Variants in EVI5 observed in about 807,000 individuals in gnomAD.
EVI5 encodes ecotropic viral integration site 5 protein homolog.
Under a neutral mutation model 112.0 loss-of-function variants are expected in EVI5, and 73 were observed. That is an observed-to-expected ratio of 0.65 (90% CI 0.54 to 0.79). The LOEUF (loss-of-function observed/expected upper bound fraction) is 0.79. EVI5 is among the 30% of genes least tolerant of loss of function. The probability of loss-of-function intolerance (pLI) is 0.00; values close to 1 mark genes in which losing one functional copy is unlikely to be tolerated. For synonymous variants in EVI5, 305 were observed against 319.9 expected (o/e 0.95, Z 0.50); for missense variants, 900 against 968.8 (o/e 0.93, Z 0.94).
chr1:92,586,002 T>C (rs1396454643), intron 18 of EVI5, among the ~76,000 whole-genome samples: 1 of 152,086 alleles, frequency 6.6e-6, no homozygotes, highest in Non-Finnish European at 1.5e-5. Flanking sequence ...TATTCAGGTA[T>C]TTTGTAAGAT....
At chr1:92,530,010 A>C (rs757548942) in intron 19 of EVI5, among the ~76,000 whole-genome samples, 1 of 152,170 alleles carries the variant, frequency 6.6e-6, no homozygotes, top group Non-Finnish European at 1.5e-5. Context: ...AAATATTTAA[A>C]ATAAGCACTG....
rs1397513975 is a variant in EVI5 at position 92,735,654 on chromosome 1, TTATA to T, written c.149+740_149+743del. On this transcript the variant is annotated intron_variant, in intron 2 of 19. Coordinates refer to ENST00000684568, the MANE Select transcript of EVI5 (RefSeq NM_001350197.2). ...TGATATATGTCATATATATATATAATTATATAATTCAACAAAATATATTATATAT... is the reference window on the plus strand; with the variant it reads ...TGATATATGTCATATATATATATAATTAATTCAACAAAATATATTATATAT... Among the ~76,000 whole-genome samples, 98 of 11,520 alleles carry T rather than the reference TTATA, an allele frequency of 8.5e-3. 1 individual carries two copies. In the South Asian group the frequency reaches 0.26, roughly 30 times the overall value. 7.6% of individuals were successfully genotyped at this position (11,520 alleles called of 152,430 possible).
At chr1:92,561,608 CCTAT>C (rs80355191) in intron 19 of EVI5, among the ~76,000 whole-genome samples, 42,353 of 131,574 alleles carry the variant, frequency 0.32, 7,045 homozygotes, top group East Asian at 0.34. Context: ...TCTAATCTAT[CCTAT>C]CTATCTATCT....
chr1:92,517,245 A>G (rs1399461497), intron 19 of EVI5, among the ~76,000 whole-genome samples: 1 of 152,232 alleles, frequency 6.6e-6, no homozygotes, highest in Non-Finnish European at 1.5e-5. Flanking sequence ...ACAATACAGT[A>G]TAACAACTAT....
intron 3 of EVI5, 49 bp from the exon 4 acceptor site, chr1:92,703,668 T>C: frequency 8.5e-7 from 1 of 1,181,522 alleles, no homozygotes; most frequent in East Asian, 2.6e-5. Context: ...GTGTCCTATC[T>C]TGCAAGCCAA....
intron 9 of EVI5, among the ~76,000 whole-genome samples, chr1:92,690,044 C>T (rs1669232252): frequency 6.6e-6 from 1 of 151,880 alleles, no homozygotes; most frequent in African/African-American, 2.4e-5. Flanking sequence ...ACCTGGTTAG[C>T]TTATTTTATT....
intron 18 of EVI5, among the ~76,000 whole-genome samples, chr1:92,581,290 G>T (rs953567551): frequency 6.6e-6 from 1 of 152,286 alleles, no homozygotes; most frequent in Non-Finnish European, 1.5e-5. Flanking sequence ...TAAATATCTT[G>T]TACTACCTAG....
chr1:92,625,718 G>A, intron 15 of EVI5, 76 bp downstream of exon 15: 1 of 1,277,224 alleles, frequency 7.8e-7, no homozygotes, highest in Admixed American at 1.8e-5. Context: ...AGGTCATCAG[G>A]TACTTCAAAC....
chr1:92,627,129 G>A (rs1276653162), intron 14 of EVI5, among the ~76,000 whole-genome samples: 1 of 152,114 alleles, frequency 6.6e-6, no homozygotes, highest in Admixed American at 6.6e-5. Context: ...AGTATACACT[G>A]CACCTTATTT....
chr1:92,694,048 G>A, intron 8 of EVI5, 149 bp from the exon 9 acceptor site: 1 of 655,290 alleles, frequency 1.5e-6, no homozygotes, highest in East Asian at 2.5e-5. Flanking sequence ...GATCACTTCA[G>A]GTCAGGAGTT....
chr1:92,557,594 G>C (rs1027316914), intron 19 of EVI5, among the ~76,000 whole-genome samples: 7 of 151,712 alleles, frequency 4.6e-5, no homozygotes, highest in Non-Finnish European at 1.0e-4. Flanking sequence ...CCACCATGAA[G>C]GGCTGTTTCT....
intron 6 of EVI5, among the ~76,000 whole-genome samples, chr1:92,697,177 C>A (rs1384829034): frequency 1.3e-5 from 2 of 152,034 alleles, no homozygotes; most frequent in African/African-American, 4.8e-5. Flanking sequence ...GCTCTCATGC[C>A]AGCTGATTCA....
chr1:92,610,842 T>C (rs1453949503), intron 16 of EVI5, among the ~76,000 whole-genome samples: 1 of 152,032 alleles, frequency 6.6e-6, no homozygotes, highest in Non-Finnish European at 1.5e-5. Context: ...GTTGAGAATT[T>C]TTTACAATTA....
chr1:92,543,800 A>G (rs1465378183), intron 19 of EVI5, among the ~76,000 whole-genome samples: 1 of 152,256 alleles, frequency 6.6e-6, no homozygotes, highest in Admixed American at 6.5e-5. Flanking sequence ...AAAATATGAC[A>G]CAGAGACATG....
At chr1:92,574,770 A>C (rs1670798445) in intron 18 of EVI5, among the ~76,000 whole-genome samples, 1 of 152,200 alleles carries the variant, frequency 6.6e-6, no homozygotes, top group African/African-American at 2.4e-5. Flanking sequence ...ATTTTAAAAC[A>C]TACAATAAAC....
At chr1:92,630,769 C>T (rs1264880378) in intron 14 of EVI5, among the ~76,000 whole-genome samples, 1 of 152,144 alleles carries the variant, frequency 6.6e-6, no homozygotes. Context: ...ATGATACTGC[C>T]TAGGTTTTCT....
chr1:92,685,958 C>A (rs1242697844), intron 9 of EVI5, among the ~76,000 whole-genome samples: 1 of 152,150 alleles, frequency 6.6e-6, no homozygotes, highest in Non-Finnish European at 1.5e-5. Context: ...CAGTCAAATT[C>A]TTCCAGAGGT....
At chr1:92,521,174 C>G (rs1660869359) in intron 19 of EVI5, among the ~76,000 whole-genome samples, 1 of 151,962 alleles carries the variant, frequency 6.6e-6, no homozygotes, top group African/African-American at 2.4e-5. Flanking sequence ...GTTGCCCAGC[C>G]TGGTCTCAAA....
intron 9 of EVI5, among the ~76,000 whole-genome samples, chr1:92,681,479 A>G (rs1667575634): frequency 1.3e-5 from 2 of 152,220 alleles, no homozygotes; most frequent in African/African-American, 4.8e-5. Flanking sequence ...TCATCAAAAA[A>G]AAGTCAAAGG....
Sources: allele counts gnomAD v4.1 joint callset (sites outside exome capture counted in the v4.1 genomes callset), GRCh38; gene constraint gnomAD v4.1.1; transcripts MANE v1.5; gene names NCBI Gene and HGNC (gene_info 2026-07-23, HGNC 2026-07-21).